B3GLCT: variants seen among roughly 807,000 people sequenced by gnomAD.
B3GLCT encodes beta-1,3-glucosyltransferase.
A neutral mutation model predicts 63.4 loss-of-function variants in B3GLCT; 65 were observed. The ratio of observed to expected loss-of-function variants is 1.03; its 90% confidence interval spans 0.84 to 1.26. B3GLCT has a LOEUF of 1.26. Ranked by LOEUF, B3GLCT falls within the 50% of genes most tolerant of loss-of-function variation. The pLI, the probability that B3GLCT is intolerant of heterozygous loss-of-function variation, is 0.00. For missense variants in B3GLCT, 577 were observed against 604.8 expected (o/e 0.95, Z 0.48); for synonymous variants, 233 against 219.2 (o/e 1.06, Z -0.55).
intron 6 of B3GLCT, among the ~76,000 whole-genome samples, chr13:31,259,379 G>A (rs561484886): frequency 1.3e-5 from 2 of 152,168 alleles, no homozygotes; most frequent in South Asian, 4.1e-4. Context: ...AATCTTCTGG[G>A]TTGTAGATGT....
intron 1 of B3GLCT, among the ~76,000 whole-genome samples, chr13:31,203,773 G>A (rs1010953585): frequency 1.3e-5 from 2 of 152,174 alleles, no homozygotes; most frequent in Non-Finnish European, 1.5e-5. Flanking sequence ...TAAAGGAAAA[G>A]TTGTGAGTTT....
At chr13:31,206,765 G>T (rs947885405) in intron 1 of B3GLCT, among the ~76,000 whole-genome samples, 2 of 151,994 alleles carry the variant, frequency 1.3e-5, no homozygotes, top group East Asian at 3.9e-4. Context: ...AAAGATGATC[G>T]GTGGTTGTTT....
At chr13:31,312,518 C>A (rs1044612158) in intron 12 of B3GLCT, 2 of 151,966 alleles carry the variant, frequency 1.3e-5, no homozygotes, top group African/African-American at 2.4e-5. Context: ...AAATTTAGTA[C>A]AACAAGAATG....
At chr13:31,325,124 C>T (rs1391336981) in intron 14 of B3GLCT, among the ~76,000 whole-genome samples, 1 of 152,154 alleles carries the variant, frequency 6.6e-6, no homozygotes, top group Non-Finnish European at 1.5e-5. Flanking sequence ...AAAGTGTTTG[C>T]ATCATCAGGA....
chr13:31,232,158 T>C lies in B3GLCT; in HGVS notation c.270+2864T>C, dbSNP rs79428983. Among the ~76,000 whole-genome samples the C allele has an allele frequency of 8.4e-3, 1,285 of 152,318 alleles. 21 individuals carry two copies. The highest frequency in any genetic ancestry group is 0.03 in the African/African-American group (1,234 of 41,562). ...AGATCCCAGCTTCATCTTCCACCGC[T>C]CATCCCCTTGTGCTTTATTTGCCAG... is the stretch of plus-strand genomic sequence containing the variant. On this transcript the variant is annotated intron_variant, in intron 4 of 14. Coordinates refer to ENST00000343307, the MANE Select transcript of B3GLCT (RefSeq NM_194318.4).
chr13:31,301,503 C>T (rs2137907715), intron 12 of B3GLCT, among the ~76,000 whole-genome samples: 1 of 152,258 alleles, frequency 6.6e-6, no homozygotes, highest in East Asian at 1.9e-4. Flanking sequence ...AACCATTTCA[C>T]ATGAAGTATG....
At chr13:31,225,840 G>A (rs1870073122) in intron 3 of B3GLCT, among the ~76,000 whole-genome samples, 1 of 152,126 alleles carries the variant, frequency 6.6e-6, no homozygotes, top group African/African-American at 2.4e-5. Context: ...TGGCTCATGA[G>A]GCCCTTCCCC....
rs1163371500 is a variant in B3GLCT at position 31,221,970 on chromosome 13, C to T, written c.121-982C>T. Among the ~76,000 whole-genome samples, 7 of 152,280 alleles carry T rather than the reference C, an allele frequency of 4.6e-5. 1 individual carries two copies. The highest frequency in any genetic ancestry group is 3.4e-3 in the Middle Eastern group (1 of 294). ...TGCCAGATAAATCTTTTGAGAGTTC[C>T]TCCGTTGATTTACACAGAGTCGAGG... On this transcript the variant is annotated intron_variant, in intron 2 of 14. Transcript: ENST00000343307.
intron 12 of B3GLCT, among the ~76,000 whole-genome samples, chr13:31,302,550 CAAAG>C (rs1874278838): frequency 3.4e-5 from 4 of 118,978 alleles, no homozygotes; most frequent in Non-Finnish European, 5.3e-5. Flanking sequence ...CTTTCCGAGT[CAAAG>C]AAAGGGGTGA....
At chr13:31,206,711 C>T (rs1243070483) in intron 1 of B3GLCT, among the ~76,000 whole-genome samples, 2 of 151,894 alleles carry the variant, frequency 1.3e-5, no homozygotes, top group Admixed American at 6.6e-5. Flanking sequence ...CACTCCAGCC[C>T]GGGCGACAGT....
At chr13:31,261,253 C>T (rs1037805453) in intron 7 of B3GLCT, among the ~76,000 whole-genome samples, 171 bp downstream of exon 7, 10 of 152,148 alleles carry the variant, frequency 6.6e-5, no homozygotes, top group African/African-American at 1.9e-4. Context: ...TCTGCTTCAG[C>T]GCTGTCATTT....
At chr13:31,327,973 CTGAG>C (rs879322279) in intron 14 of B3GLCT, among the ~76,000 whole-genome samples, 1 of 152,246 alleles carries the variant, frequency 6.6e-6, no homozygotes, top group Non-Finnish European at 1.5e-5. Flanking sequence ...CCAGGTGCTG[CTGAG>C]TGTGCCCAAC....
intron 12 of B3GLCT, among the ~76,000 whole-genome samples, chr13:31,294,347 A>C (rs1873827834): frequency 6.6e-6 from 1 of 152,124 alleles, no homozygotes; most frequent in Non-Finnish European, 1.5e-5. Context: ...CTGAGTTTGA[A>C]TGTTAGCTTG....
At chr13:31,325,333 C>T (rs551306047) in intron 14 of B3GLCT, among the ~76,000 whole-genome samples, 1 of 152,174 alleles carries the variant, frequency 6.6e-6, no homozygotes. Flanking sequence ...GCGTTATTCT[C>T]TGCGGTTCCC....
At chr13:31,264,722 T>G (rs1872207882) in intron 7 of B3GLCT, among the ~76,000 whole-genome samples, 1 of 152,232 alleles carries the variant, frequency 6.6e-6, no homozygotes. Context: ...GATAAAGTAT[T>G]CATTAGCCCC....
At chr13:31,274,755 G>A in intron 9 of B3GLCT, 127 bp downstream of exon 9, 2 of 1,199,012 alleles carry the variant, frequency 1.7e-6, no homozygotes, top group Admixed American at 1.8e-5. Flanking sequence ...GGTTATAAGG[G>A]TATATTGTGT....
In B3GLCT at chr13:31,329,506, G is replaced by GC. The variant is rs1213506187; in HGVS notation, c.1337dup (p.Val447GlyfsTer5). 1 of 1,614,048 alleles carries GC rather than the reference G, an allele frequency of 6.2e-7. No homozygotes were observed. Among genetic ancestry groups the GC allele is most frequent in the South Asian group, 1.1e-5 (1 of 91,094 alleles). ...ACTCTCTATTTTTCCTGCAGGCTCG[G>GC]CCGGTGGATTACCCTAAGGACTACC... On this transcript the variant is annotated frameshift_variant, in exon 15 of 15. Transcript: ENST00000343307. LOFTEE classifies it high-confidence loss of function.
At chr13:31,225,446 AT>A (rs1870046616) in intron 3 of B3GLCT, among the ~76,000 whole-genome samples, 2 of 152,232 alleles carry the variant, frequency 1.3e-5, no homozygotes, top group South Asian at 4.1e-4. Flanking sequence ...ATGTCAGAAA[AT>A]ATTTCTTGGT....
chr13:31,322,778 A>G (rs930683484), intron 13 of B3GLCT, among the ~76,000 whole-genome samples: 4 of 152,194 alleles, frequency 2.6e-5, no homozygotes, highest in African/African-American at 9.6e-5. Context: ...AGATGCTGAC[A>G]AAAGAAAAAA....
Sources: allele counts gnomAD v4.1 joint callset (sites outside exome capture counted in the v4.1 genomes callset), GRCh38; gene constraint gnomAD v4.1.1; transcripts MANE v1.5; gene names NCBI Gene and HGNC (gene_info 2026-07-23, HGNC 2026-07-21).